WNT11: variants seen among roughly 807,000 people sequenced by gnomAD.
WNT11 encodes Wnt family member 11.
A neutral mutation model predicts 35.6 loss-of-function variants in WNT11; 20 were observed. The observed-to-expected ratio is 0.56, with a 90% CI of 0.40 to 0.82. The LOEUF (loss-of-function observed/expected upper bound fraction) is 0.82, where lower values mean the gene tolerates loss of function less well. Ranked by LOEUF, WNT11 falls within the 40% of genes least tolerant of loss-of-function variation. The pLI is 0.00. For synonymous variants in WNT11, 200 were observed against 211.9 expected (o/e 0.94, Z 0.49); for missense variants, 459 against 504.4 (o/e 0.91, Z 0.86).
upstream of WNT11, chr11:76,206,851 G>C (rs1953484006): frequency 8.5e-6 from 1 of 117,156 alleles, no homozygotes; most frequent in Admixed American, 9.7e-5. Context: ...CGGAGACAGA[G>C]GGGGAAACCC....
At chr11:76,192,982 T>C (rs761964313) in intron 3 of WNT11, among the ~76,000 whole-genome samples, 1 of 152,114 alleles carries the variant, frequency 6.6e-6, no homozygotes, top group East Asian at 1.9e-4. Context: ...AGTGAGTTAG[T>C]GGGGGAGCTG....
At position 76,194,787 on chromosome 11, in the gene WNT11, A is replaced by G; in HGVS notation, c.377T>C (p.Ile126Thr). Reference sequence around the variant, plus strand: ...GTCGCCGGAGGTGCAGGCCCGGGCGATGGCGTGGCTGATGGCGGCGGCCGA... The same window carrying G: ...GTCGCCGGAGGTGCAGGCCCGGGCGGTGGCGTGGCTGATGGCGGCGGCCGA... The part of the protein sequence containing the change: ...ALSAAAISHA[I>T]ARACTSGDLP... Residue 126 changes from isoleucine to threonine, a missense_variant, in exon 3 of 5, where the codon ATC (isoleucine) becomes ACC (threonine). Ile to Thr is a moderately conservative substitution (Grantham distance 89, BLOSUM62 -1). Transcript: ENST00000322563. This position sits in a 1 kb window ranked among gnomAD's most constrained non-coding sequence, Gnocchi z 5.4. The G allele has an allele frequency of 6.4e-7, 1 of 1,554,138 alleles. No individual in the cohort carries two copies. Among genetic ancestry groups the G allele is most frequent in the East Asian group, 2.4e-5 (1 of 41,874 alleles).
rs761963983 is a variant in WNT11, at chr11:76,194,719, C to T, written c.445G>A (p.Gly149Arg). Reference sequence around the variant, plus strand: ...CATCCTCCCCAGCGGTTCCCGGGCCCGGGTGGCTCACCTGGGACGGGGCCG... The same window carrying T: ...CATCCTCCCCAGCGGTTCCCGGGCCTGGGTGGCTCACCTGGGACGGGGCCG... ...SCGPVPGEPPGPGNRWGGCAD... is the reference protein window; with the variant it reads ...SCGPVPGEPPRPGNRWGGCAD... The change falls in exon 3 of 5, where the codon GGG (glycine) becomes AGG (arginine). Residue 149 changes from glycine to arginine, a missense_variant. Transcript: ENST00000322563. The surrounding 1 kb of genome is among the most constrained non-coding windows in gnomAD (Gnocchi z 5.4). The T allele has an allele frequency of 1.1e-4, 173 of 1,550,236 alleles. No homozygotes were observed. Among genetic ancestry groups the T allele is most frequent in the Non-Finnish European group, 1.4e-4 (160 of 1,146,914 alleles).
At chr11:76,203,768 C>T (rs543477735) in intron 1 of WNT11, among the ~76,000 whole-genome samples, 88 of 152,368 alleles carry the variant, frequency 5.8e-4, no homozygotes, top group African/African-American at 2.0e-3. Flanking sequence ...GTGCCAAGTG[C>T]CCCTTTCATC....
At chr11:76,204,567 A>G (rs1265317402) in intron 1 of WNT11, among the ~76,000 whole-genome samples, 2 of 152,142 alleles carry the variant, frequency 1.3e-5, no homozygotes, top group Non-Finnish European at 2.9e-5. Flanking sequence ...CTGGGCTGCC[A>G]TGCTCCCTCT....
At position 76,186,534 on chromosome 11, in the gene WNT11, C is replaced by G. The variant is rs1480172797; in HGVS notation, c.*531G>C. ...ATAAAGAGGAATTGAGAAGTGCCACCCCAAAGAAAAAGCTATGTTTTATAA... is the reference window on the plus strand; with the variant it reads ...ATAAAGAGGAATTGAGAAGTGCCACGCCAAAGAAAAAGCTATGTTTTATAA... On this transcript the variant is annotated 3_prime_UTR_variant, in exon 5 of 5. Transcript: ENST00000322563. 1 of 155,342 alleles carries G rather than the reference C, an allele frequency of 6.4e-6. No individual in the cohort carries two copies. Among genetic ancestry groups the G allele is most frequent in the South Asian group, 1.9e-4 (1 of 5,188 alleles). The allele number at this position is 155,342 out of a possible 1,614,324, so 9.6% of individuals were successfully genotyped here.
rs765072962 is a variant in WNT11 at position 76,200,758 on chromosome 11, C to T, written c.84-4040G>A. On this transcript the variant is annotated intron_variant, in intron 1 of 4. Transcript: ENST00000322563. ...CTGAGCCTGCTCTGCCGCTTGCCCTCGCCCAACTTTCTTCCCGCTCCTTCT... is the reference window on the plus strand; with the variant it reads ...CTGAGCCTGCTCTGCCGCTTGCCCTTGCCCAACTTTCTTCCCGCTCCTTCT... Among the ~76,000 whole-genome samples the T allele has an allele frequency of 2.6e-5, 4 of 152,358 alleles. No homozygotes were observed. In the South Asian group the frequency reaches 8.3e-4, roughly 32 times the overall value.
At chr11:76,207,394 A>C (rs143387260), upstream of WNT11, among the ~76,000 whole-genome samples, 62 of 152,292 alleles carry the variant, frequency 4.1e-4, no homozygotes, top group Middle Eastern at 3.4e-3. Flanking sequence ...AAAGTTCCCT[A>C]ACACGATCGC....
In WNT11 at chr11:76,205,276, G is replaced by A. The variant is rs115068969; in HGVS notation, c.83+1049C>T. 8.8e-3 allele frequency among the ~76,000 whole-genome samples: 1,339 copies of A among 152,132 alleles called. 23 individuals carry two copies. The highest frequency in any genetic ancestry group is 0.031 in the African/African-American group (1,292 of 41,486). ...AACTAATTCACAAACCCTTTGCAGC[G>A]CCCTCCCCAGCCCCCACAACCTGCC... On this transcript the variant is annotated intron_variant, in intron 1 of 4. Coordinates refer to ENST00000322563, the MANE Select transcript of WNT11 (RefSeq NM_004626.3).
chr11:76,196,388 C>T (rs1953286458), intron 2 of WNT11, 95 bp downstream of exon 2: 1 of 1,391,884 alleles, frequency 7.2e-7, no homozygotes, highest in East Asian at 2.3e-5. Flanking sequence ...ATCCACCCAC[C>T]CATGAACCCA....
intron 1 of WNT11, among the ~76,000 whole-genome samples, chr11:76,201,553 G>A (rs2134596087): frequency 6.6e-6 from 1 of 152,258 alleles, no homozygotes; most frequent in South Asian, 2.1e-4. Flanking sequence ...CTGGGGGAGA[G>A]GGTGGAAGAA....
chr11:76,190,108 G>A (rs73500087), intron 4 of WNT11, among the ~76,000 whole-genome samples: 4 of 152,002 alleles, frequency 2.6e-5, no homozygotes, highest in Admixed American at 6.5e-5. Context: ...AGGTAAGTGC[G>A]CTTGGAGATC....
At chr11:76,210,152 C>T (rs1179890716), upstream of WNT11, among the ~76,000 whole-genome samples, 2 of 151,484 alleles carry the variant, frequency 1.3e-5, no homozygotes, top group Non-Finnish European at 3.0e-5. Context: ...AGGAGGGGGT[C>T]GCCTGGGGTG....
At chr11:76,187,300 A>C in intron 4 of WNT11, 61 bp from the exon 5 acceptor site, 2 of 1,527,832 alleles carry the variant, frequency 1.3e-6, no homozygotes, top group Non-Finnish European at 8.8e-7. Flanking sequence ...CCAACACCCC[A>C]TGACTCCCAG....
intron 4 of WNT11, among the ~76,000 whole-genome samples, chr11:76,190,327 C>G (rs1274720590): frequency 6.6e-6 from 1 of 152,124 alleles, no homozygotes; most frequent in Non-Finnish European, 1.5e-5. Flanking sequence ...GTTCTAGAAT[C>G]CTCCTCTAAC....
Position 76,194,307 on chromosome 11 carries a change from G to GAGCTCCTGACTCCT in WNT11, c.597+246_597+259dup, listed in dbSNP as rs2134577638. On this transcript the variant is annotated intron_variant, in intron 3 of 4. Transcript: ENST00000322563. The surrounding 1 kb of genome is among the most constrained non-coding windows in gnomAD (Gnocchi z 5.4). ...GTGCCAGAGCCAAGGCCAGAACTCAGAGCTCCTGACTCCTAGTTCAGTGCT... is the reference window on the plus strand; with the variant it reads ...GTGCCAGAGCCAAGGCCAGAACTCAGAGCTCCTGACTCCTAGCTCCTGACTCCTAGTTCAGTGCT... Among the ~76,000 whole-genome samples the GAGCTCCTGACTCCT allele has an allele frequency of 1.3e-5, 2 of 152,146 alleles. No homozygotes were observed. Among genetic ancestry groups the GAGCTCCTGACTCCT allele is most frequent in the South Asian group, 4.2e-4 (2 of 4,818 alleles).
At chr11:76,188,391 A>G (rs1414930859) in intron 4 of WNT11, among the ~76,000 whole-genome samples, 1 of 152,270 alleles carries the variant, frequency 6.6e-6, no homozygotes, top group Non-Finnish European at 1.5e-5. Flanking sequence ...TTTCTTCCCA[A>G]ATGTGGGATG....
intron 1 of WNT11, among the ~76,000 whole-genome samples, chr11:76,204,720 T>C (rs190966484): frequency 2.8e-4 from 43 of 152,136 alleles, no homozygotes; most frequent in Non-Finnish European, 4.0e-4. Flanking sequence ...GACATGGACG[T>C]CAGGTTTAGC....
chr11:76,198,381 G>A (rs1953320655), intron 1 of WNT11, among the ~76,000 whole-genome samples: 1 of 152,176 alleles, frequency 6.6e-6, no homozygotes, highest in African/African-American at 2.4e-5. Context: ...GCCTAGTCAA[G>A]GCCAAGGGCT....
Sources: allele counts gnomAD v4.1 joint callset (sites outside exome capture counted in the v4.1 genomes callset), GRCh38; gene constraint gnomAD v4.1.1; non-coding constraint Gnocchi (gnomAD v3.1); transcripts MANE v1.5; gene names NCBI Gene and HGNC (gene_info 2026-07-23, HGNC 2026-07-21).